The following SHPRH variants were observed in gnomAD, a reference collection of about 807,000 sequenced individuals.
SHPRH encodes E3 ubiquitin-protein ligase SHPRH.
In SHPRH, 106 loss-of-function variants were observed where a neutral mutation model predicts 202.5. That is an observed-to-expected ratio of 0.52 (90% CI 0.45 to 0.62). The LOEUF is 0.62. Among genes scored for constraint, SHPRH ranks in the 20% least tolerant of loss-of-function variants. The pLI is 0.00. For missense variants in SHPRH, 1,710 were observed against 2,020.0 expected, an observed-to-expected ratio of 0.85 and a Z score of 2.94; for synonymous variants, 729 against 686.0, an observed-to-expected ratio of 1.06 and a Z score of -0.98.
intron 2 of SHPRH, among the ~76,000 whole-genome samples, chr6:145,877,152 T>C (rs1397541791): frequency 2.0e-5 from 3 of 152,214 alleles, no homozygotes; most frequent in Non-Finnish European, 4.4e-5. Context: ...TGAGTTTTTG[T>C]ATGAATATAT....
chr6:145,950,296 T>A lies in SHPRH; in HGVS notation c.950A>T (p.Gln317Leu), dbSNP rs905263627. ...AGGACTGCTTCTGAAACACTCTTGT[T>A]GTAGCATCCAATTGACAGCCTCTCT... ...YQREAVNWML[Q>L]QECFRSSPAT... The change falls in exon 4 of 30, where the codon CAA becomes CTA. Residue 317 changes from glutamine (Q) to leucine (L), a missense_variant. This residue lies in a region of SHPRH where 459 missense variants were observed against 426.5 expected (regional missense o/e 1.08). Coordinates refer to ENST00000275233, the MANE Select transcript of SHPRH (RefSeq NM_001042683.3). 5.0e-6 allele frequency: 8 copies of A among 1,613,074 alleles called. No homozygotes were observed. The highest frequency in any genetic ancestry group is 6.8e-6 in the Non-Finnish European group (8 of 1,179,342).
intron 14 of SHPRH, 71 bp from the exon 15 acceptor site, chr6:145,927,348 ATTAT>A: frequency 7.7e-7 from 1 of 1,290,764 alleles, no homozygotes; most frequent in South Asian, 1.3e-5. Flanking sequence ...CTAGTTGTCC[ATTAT>A]TTAAGAATAC....
chr6:145,927,808 A>C (rs1785023024), intron 14 of SHPRH, among the ~76,000 whole-genome samples: 1 of 151,994 alleles, frequency 6.6e-6, no homozygotes, highest in South Asian at 2.1e-4. Context: ...TGCAATTAAA[A>C]ACTTCATGTC....
chr6:145,881,118 TTTAC>T (rs890519854), downstream of SHPRH, among the ~76,000 whole-genome samples: 6 of 152,238 alleles, frequency 3.9e-5, no homozygotes, highest in Admixed American at 6.5e-5. Flanking sequence ...AGATTGTGTT[TTTAC>T]TTACTAATGG....
chr6:145,963,185 T>C (rs1450370192), intron 1 of SHPRH, among the ~76,000 whole-genome samples: 2 of 152,236 alleles, frequency 1.3e-5, no homozygotes, highest in Non-Finnish European at 2.9e-5. Context: ...AGGACTGCTC[T>C]GTCTCCAGCA....
At position 145,933,185 on chromosome 6, in the gene SHPRH, G is replaced by T; in HGVS notation, c.2991-7C>A. The T allele has an allele frequency of 1.2e-6, 2 of 1,613,808 alleles. No homozygotes were observed. The highest frequency in any genetic ancestry group is 1.7e-6 in the Non-Finnish European group (2 of 1,179,866). On this transcript the variant is annotated splice_region_variant and splice_polypyrimidine_tract_variant and intron_variant, in intron 13 of 29. Coordinates refer to ENST00000275233, the MANE Select transcript of SHPRH (RefSeq NM_001042683.3). ...CTCTTCCATTGTCATGGTGCTAAAA[G>T]AAAAGGTAGACTGTTCAAAACTAGA...
intron 25 of SHPRH, 21 bp downstream of exon 25, chr6:145,910,427 T>C: frequency 6.2e-7 from 1 of 1,611,390 alleles, no homozygotes; most frequent in Middle Eastern, 1.7e-4. Context: ...TATGCTTCTA[T>C]GTGTTCCTGA....
chr6:145,861,177 CAAAAT>C (rs1779567011), downstream of SHPRH, among the ~76,000 whole-genome samples: 1 of 151,932 alleles, frequency 6.6e-6, no homozygotes, highest in African/African-American at 2.4e-5. Context: ...AAACAATTAA[CAAAAT>C]GAAAAGGCAA....
intron 3 of SHPRH, among the ~76,000 whole-genome samples, chr6:145,951,073 T>C (rs1212774083): frequency 6.6e-6 from 1 of 152,116 alleles, no homozygotes; most frequent in African/African-American, 2.4e-5. Flanking sequence ...TTGGTAGCAG[T>C]AGCAGCCAAC....
At chr6:145,958,589 A>G (rs2128809883) in intron 1 of SHPRH, among the ~76,000 whole-genome samples, 1 of 152,282 alleles carries the variant, frequency 6.6e-6, no homozygotes, top group African/African-American at 2.4e-5. Flanking sequence ...AGGTGGCCCT[A>G]TGATTCAAAG....
chr6:145,945,480 T>C lies in SHPRH; in HGVS notation c.1479A>G (p.Glu493=). Residue 493 remains glutamate (E), a synonymous_variant, in exon 8 of 30, where the codon GAA becomes GAG. Transcript: ENST00000275233. Reference sequence around the variant, plus strand: ...GGCCTTTGATCTGTTTCACGAGACCTTCAAAAATTAAACATTTCAGCATCC... The same window carrying C: ...GGCCTTTGATCTGTTTCACGAGACCCTCAAAAATTAAACATTTCAGCATCC... ...LKRMLKCLIF[E]GLVKQIKGHG... 6.2e-7 allele frequency: 1 copy of C among 1,613,286 alleles called. No individual in the cohort carries two copies.
intron 23 of SHPRH, among the ~76,000 whole-genome samples, chr6:145,915,689 A>G: frequency 6.6e-6 from 1 of 152,074 alleles, no homozygotes; most frequent in Non-Finnish European, 1.5e-5. Context: ...CTATGTAGCC[A>G]CCAGTTTTAT....
intron 23 of SHPRH, among the ~76,000 whole-genome samples, chr6:145,914,413 C>T (rs1279983068): frequency 6.6e-6 from 1 of 152,116 alleles, no homozygotes; most frequent in Non-Finnish European, 1.5e-5. Context: ...AAAGAGTTGA[C>T]ATTTATATAA....
At position 145,894,769 on chromosome 6, in the gene SHPRH, T is replaced by C. The variant is rs963719094; in HGVS notation, c.4608+116A>G. 6.1e-6 allele frequency: 5 copies of C among 816,736 alleles called. No individual in the cohort carries two copies. The African/African-American group carries it at 7.0e-5, about 11-fold the overall frequency. The allele number at this position is 816,736 out of a possible 1,614,324, so 50.6% of individuals were successfully genotyped here. ...CTTCTCTAAAAATAATTCTATCTTA[T>C]GGATTTGGGAAAAAAAATCTAAGAG... On this transcript the variant is annotated intron_variant, in intron 26 of 29. Coordinates refer to ENST00000275233, the MANE Select transcript of SHPRH (RefSeq NM_001042683.3).
In SHPRH at chr6:145,885,116, A is replaced by G. The variant is rs1780887430; in HGVS notation, c.*1575T>C. The G allele has an allele frequency of 1.3e-5, 2 of 152,188 alleles. No homozygotes were observed. The highest frequency in any genetic ancestry group is 2.9e-5 in the Non-Finnish European group (2 of 68,022). The allele number at this position is 152,188 out of a possible 1,614,324, so 9.4% of individuals were successfully genotyped here. A position where few individuals can be genotyped will look rare whatever the true frequency, so the allele number is the denominator to read the frequency against. ...CTGGGCTCCACTGTTTACTTGCTAC[A>G]TGTCCTAAGAAAGTTTCAATATATC... On this transcript the variant is annotated 3_prime_UTR_variant, in exon 30 of 30. Transcript: ENST00000275233.
At chr6:145,878,595 GT>G (rs1369688879) in intron 2 of SHPRH, among the ~76,000 whole-genome samples, 2 of 152,124 alleles carry the variant, frequency 1.3e-5, no homozygotes, top group Admixed American at 6.5e-5. Flanking sequence ...CCTTTGCCCA[GT>G]TTTAAATTGG....
At chr6:145,938,873 C>A (rs568267352) in intron 11 of SHPRH, among the ~76,000 whole-genome samples, 4 of 151,996 alleles carry the variant, frequency 2.6e-5, no homozygotes, top group African/African-American at 4.8e-5. Context: ...AGTTAGGAAG[C>A]ATTCTTCCAT....
rs772871942 is a variant in SHPRH at position 145,926,236 on chromosome 6, G to T, written c.3262C>A (p.Pro1088Thr). ...LLIARHPGIPPTLRDGRLEEE... is the reference protein window; with the variant it reads ...LLIARHPGIPTTLRDGRLEEE... Reference sequence around the variant, plus strand: ...TCAAGTCGGCCATCACGCAAGGTAGGTGGTATCCCTGGGTGCCTGGCTATC... The same window carrying T: ...TCAAGTCGGCCATCACGCAAGGTAGTTGGTATCCCTGGGTGCCTGGCTATC... The change falls in exon 16 of 30, where the codon CCT becomes ACT. Residue 1088 changes from proline (P) to threonine (T), a missense_variant. Transcript: ENST00000275233. 1 of 1,612,808 alleles carries T rather than the reference G, an allele frequency of 6.2e-7. No individual in the cohort carries two copies. The highest frequency in any genetic ancestry group is 8.5e-7 in the Non-Finnish European group (1 of 1,179,244).
At position 145,922,849 on chromosome 6, in the gene SHPRH, C is replaced by T. The variant is rs1453900658; in HGVS notation, c.3546-13G>A. ...GCAATCACGGAACCTGATTCCCACA[C>T]CAGCACCACACACAATACAAAGAAA... On this transcript the variant is annotated splice_polypyrimidine_tract_variant and intron_variant, in intron 18 of 29. Coordinates refer to ENST00000275233, the MANE Select transcript of SHPRH (RefSeq NM_001042683.3). 3 of 1,599,796 alleles carry T rather than the reference C, an allele frequency of 1.9e-6. No homozygotes were observed. In the Admixed American group the frequency reaches 5.2e-5, roughly 28 times the overall value.
Sources: gnomAD v4.1 joint callset for allele counts (sites outside exome capture counted in the v4.1 genomes callset) on GRCh38, gnomAD v4.1.1 for gene constraint, gnomAD v4.1.1 regional missense constraint, MANE v1.5 for transcripts, NCBI Gene and HGNC (gene_info 2026-07-23, HGNC 2026-07-21) for gene names.